The following PDLIM5 variants were observed in gnomAD, a reference collection of about 807,000 sequenced individuals.
The protein encoded by PDLIM5 is PDZ and LIM domain 5, also known as PDZ and LIM domain protein 5.
PDLIM5 carries 34 observed loss-of-function variants against 64.2 expected under a neutral mutation model. The ratio of observed to expected loss-of-function variants is 0.53; its 90% confidence interval spans 0.40 to 0.71. The LOEUF is 0.71. Ranked by LOEUF, PDLIM5 falls within the 30% of genes least tolerant of loss-of-function variation. PDLIM5 has a pLI of 0.00. For synonymous variants in PDLIM5, 253 were observed against 269.1 expected (o/e 0.94, Z 0.59); for missense variants, 683 against 733.6 (o/e 0.93, Z 0.80).
At chr4:94,536,127 C>T (rs544030218) in intron 3 of PDLIM5, among the ~76,000 whole-genome samples, 2 of 152,012 alleles carry the variant, frequency 1.3e-5, no homozygotes, top group Admixed American at 6.6e-5. Context: ...AGTTGGGACG[C>T]ACAGACCAAA....
chr4:94,580,319 A>G (rs1433759004), intron 5 of PDLIM5, among the ~76,000 whole-genome samples: 1 of 152,330 alleles, frequency 6.6e-6, no homozygotes, highest in East Asian at 1.9e-4. Flanking sequence ...AATTCGAAGT[A>G]TCTGTCTTGG....
chr4:94,535,930 T>C (rs1254386625), intron 3 of PDLIM5, among the ~76,000 whole-genome samples: 1 of 151,900 alleles, frequency 6.6e-6, no homozygotes, highest in Non-Finnish European at 1.5e-5. Flanking sequence ...TGGCTGGAGA[T>C]TTTATAAGTA....
intron 3 of PDLIM5, among the ~76,000 whole-genome samples, chr4:94,559,628 T>C (rs1415011291): frequency 2.0e-5 from 3 of 152,206 alleles, no homozygotes; most frequent in Non-Finnish European, 4.4e-5. Flanking sequence ...CTCTTAGATG[T>C]TGTGCATGTC....
intron 3 of PDLIM5, among the ~76,000 whole-genome samples, chr4:94,555,355 A>G (rs1054520163): frequency 6.6e-6 from 1 of 152,198 alleles, no homozygotes; most frequent in Non-Finnish European, 1.5e-5. Context: ...TCACCGGCCT[A>G]AATGCATTTT....
rs569908042 is a variant in PDLIM5 at position 94,468,171 on chromosome 4, T to G, written c.96+12787T>G. Reference sequence around the variant, plus strand: ...TTTTCCCTCTATGCACTTTTTTTTTTGGGATGGGGTCTTGCTCTGTCACTC... The same window carrying G: ...TTTTCCCTCTATGCACTTTTTTTTTGGGGATGGGGTCTTGCTCTGTCACTC... On this transcript the variant is annotated intron_variant, in intron 2 of 12. Coordinates refer to ENST00000317968, the MANE Select transcript of PDLIM5 (RefSeq NM_006457.5). Among the ~76,000 whole-genome samples the G allele has an allele frequency of 2.7e-4, 41 of 151,950 alleles. 1 individual carries two copies. The highest frequency in any genetic ancestry group is 1.3e-3 in the Admixed American group (20 of 15,304).
chr4:94,507,256 G>A lies in PDLIM5; in HGVS notation c.97-16468G>A, dbSNP rs557052369. On this transcript the variant is annotated intron_variant, in intron 2 of 12. Coordinates refer to ENST00000317968, the MANE Select transcript of PDLIM5 (RefSeq NM_006457.5). Reference sequence around the variant, plus strand: ...GGATATATATATATATCTCCTGTTGGTTCTGTCCCTCTGAAGAACCCTGAC... The same window carrying A: ...GGATATATATATATATCTCCTGTTGATTCTGTCCCTCTGAAGAACCCTGAC... Among the ~76,000 whole-genome samples, 8 of 151,624 alleles carry A rather than the reference G, an allele frequency of 5.3e-5. No individual in the cohort carries two copies. The South Asian group carries it at 1.7e-3, about 32-fold the overall frequency.
rs1560770524 is a variant in PDLIM5 at position 94,657,503 on chromosome 4, A to G, written c.1541A>G (p.Asn514Ser). ...VCVACGKPIRNNVFHLEDGEP... is the reference protein window; with the variant it reads ...VCVACGKPIRSNVFHLEDGEP... ...GTAGCCTGTGGAAAGCCCATTCGGA[A>G]CAATGTTTTTCACTTGGAGGATGGT... Residue 514 changes from asparagine (N) to serine (S), a missense_variant, in exon 11 of 13, where the codon AAC (asparagine) becomes AGC (serine). Asn to Ser is a conservative substitution (Grantham distance 46, BLOSUM62 1). Coordinates refer to ENST00000317968, the MANE Select transcript of PDLIM5 (RefSeq NM_006457.5). The G allele has an allele frequency of 6.2e-7, 1 of 1,610,866 alleles. No individual in the cohort carries two copies. Among genetic ancestry groups the G allele is most frequent in the Non-Finnish European group, 8.5e-7 (1 of 1,177,082 alleles).
At chr4:94,455,821 C>T (rs1244934331) in intron 2 of PDLIM5, 2 of 1,487,884 alleles carry the variant, frequency 1.3e-6, no homozygotes, top group South Asian at 1.2e-5. Flanking sequence ...TTCCTCAGCT[C>T]ACTTTCTGGT....
chr4:94,599,740 T>C (rs1737345478), intron 7 of PDLIM5, among the ~76,000 whole-genome samples: 3 of 151,678 alleles, frequency 2.0e-5, no homozygotes, highest in Admixed American at 6.6e-5. Flanking sequence ...GTGGGTGAGG[T>C]AGAGACAAAC....
chr4:94,466,973 A>C (rs1724420803), intron 2 of PDLIM5, among the ~76,000 whole-genome samples: 1 of 152,230 alleles, frequency 6.6e-6, no homozygotes, highest in Non-Finnish European at 1.5e-5. Context: ...CCTCATGATA[A>C]AGTGGTTTCA....
Position 94,662,517 on chromosome 4 carries a change from G to A in PDLIM5, c.1681G>A (p.Asp561Asn). ...GGAAGCTCTGGGCTACACCTGGCAT[G>A]ACACTTGCTTTGTATGCTCAGTAAG... The part of the protein sequence containing the change: ...FLEALGYTWH[D>N]TCFVCSVCCE... Residue 561 changes from aspartate to asparagine, a missense_variant, in exon 12 of 13, where the codon GAC (aspartate) becomes AAC (asparagine). Coordinates refer to ENST00000317968, the MANE Select transcript of PDLIM5 (RefSeq NM_006457.5). 1 of 1,583,812 alleles carries A rather than the reference G, an allele frequency of 6.3e-7. No homozygotes were observed. Among genetic ancestry groups the A allele is most frequent in the Non-Finnish European group, 8.7e-7 (1 of 1,152,356 alleles).
rs1046574030 is a variant in PDLIM5 at position 94,582,580 on chromosome 4, A to C, written c.711-2985A>C. The stretch of plus-strand genomic sequence containing the variant: ...TTGTGTAACATCTTCACTGAAAATC[A>C]TTGTTTTGAATTTTATTTCATTGTC... On this transcript the variant is annotated intron_variant, in intron 5 of 12. Coordinates refer to ENST00000317968, the MANE Select transcript of PDLIM5 (RefSeq NM_006457.5). 43 of 590,600 alleles carry C rather than the reference A, an allele frequency of 7.3e-5. No individual in the cohort carries two copies. The African/African-American group carries it at 8.2e-4, about 11-fold the overall frequency. The allele number at this position is 590,600 out of a possible 1,614,324, so 36.6% of individuals were successfully genotyped here.
chr4:94,472,123 G>T (rs553369983), intron 2 of PDLIM5, among the ~76,000 whole-genome samples: 2 of 151,994 alleles, frequency 1.3e-5, no homozygotes, highest in African/African-American at 4.8e-5. Context: ...TTTTTATGTA[G>T]GATTTTCTAG....
chr4:94,461,926 G>A (rs1191120235), intron 2 of PDLIM5, among the ~76,000 whole-genome samples: 1 of 152,148 alleles, frequency 6.6e-6, no homozygotes, highest in East Asian at 1.9e-4. Flanking sequence ...GTGCAGTGGC[G>A]CGATCTCGGC....
intron 7 of PDLIM5, among the ~76,000 whole-genome samples, chr4:94,605,773 A>T (rs1264609511): frequency 6.6e-6 from 1 of 152,096 alleles, no homozygotes; most frequent in Non-Finnish European, 1.5e-5. Flanking sequence ...TTTATATGAA[A>T]TTTATTCTCA....
intron 3 of PDLIM5, among the ~76,000 whole-genome samples, chr4:94,567,153 T>G (rs2201092): frequency 6.6e-6 from 1 of 152,022 alleles, no homozygotes; most frequent in African/African-American, 2.4e-5. Flanking sequence ...CCACCACACC[T>G]GGCTAATTTT....
chr4:94,620,884 TG>T (rs1739169105), intron 8 of PDLIM5, among the ~76,000 whole-genome samples: 1 of 151,342 alleles, frequency 6.6e-6, no homozygotes, highest in Non-Finnish European at 1.5e-5. Flanking sequence ...GATCACCTGA[TG>T]GGTAAAACCC....
intron 10 of PDLIM5, among the ~76,000 whole-genome samples, chr4:94,655,003 C>G (rs76655723): frequency 0.016 from 2,487 of 152,256 alleles, 48 homozygotes; most frequent in South Asian, 0.041. Flanking sequence ...GACACCTTCA[C>G]TGTTTTAAAT....
chr4:94,541,876 TC>T (rs1404389357), intron 3 of PDLIM5, among the ~76,000 whole-genome samples: 5 of 152,220 alleles, frequency 3.3e-5, no homozygotes, highest in African/African-American at 1.2e-4. Context: ...AATCATGGTC[TC>T]CAAGTTTCAC....
Sources: allele counts gnomAD v4.1 joint callset (sites outside exome capture counted in the v4.1 genomes callset), GRCh38; gene constraint gnomAD v4.1.1; transcripts MANE v1.5; gene names NCBI Gene and HGNC (gene_info 2026-07-23, HGNC 2026-07-21).